CEND1: variants seen among roughly 807,000 people sequenced by gnomAD.
CEND1 encodes cell cycle exit and neuronal differentiation protein 1.
Under a neutral mutation model 4.4 loss-of-function variants are expected in CEND1, and 1 was observed. The ratio of observed to expected loss-of-function variants is 0.23; its 90% CI spans 0.08 to 1.09. The LOEUF is 1.09. CEND1 is among the 50% of genes least tolerant of loss of function. The pLI, the probability that CEND1 is intolerant of heterozygous loss-of-function variation, is 0.55. For missense variants in CEND1, 213 were observed against 201.2 expected (o/e 1.06, Z -0.35); for synonymous variants, 109 against 93.0 (o/e 1.17, Z -0.99).
At position 787,993 on chromosome 11, in the gene CEND1, C is replaced by T. The variant is rs575911955; in HGVS notation, c.*134G>A. On this transcript the variant is annotated 3_prime_UTR_variant, in exon 2 of 2. Coordinates refer to ENST00000330106, the MANE Select transcript of CEND1 (RefSeq NM_016564.4). Reference sequence around the variant, plus strand: ...GCTCGGGCGTCCTCTTCACCGTGCGCGTGTGTTGGGGGCGTATGTAGGTGT... The same window carrying T: ...GCTCGGGCGTCCTCTTCACCGTGCGTGTGTGTTGGGGGCGTATGTAGGTGT... 28 of 665,612 alleles carry T rather than the reference C, an allele frequency of 4.2e-5. No homozygotes were observed. In the East Asian group the frequency reaches 8.4e-4, roughly 20 times the overall value. 41.2% of individuals were successfully genotyped at this position (665,612 alleles called of 1,614,324 possible).
chr11:787,223 T>G lies in CEND1; in HGVS notation c.*904A>C, dbSNP rs1433613102. The G allele has an allele frequency of 6.6e-6, 1 of 152,586 alleles. No individual in the cohort carries two copies. The highest frequency in any genetic ancestry group is 1.5e-5 in the Non-Finnish European group (1 of 68,168). 9.5% of individuals were successfully genotyped at this position (152,586 alleles called of 1,614,324 possible). On this transcript the variant is annotated 3_prime_UTR_variant, in exon 2 of 2. Transcript: ENST00000330106. ...GTTCTCACAGTGCCCACCACCACCT[T>G]CTGGGAGTTCGCCTGCTGCTGCGCG...
intron 1 of CEND1, among the ~76,000 whole-genome samples, chr11:789,768 C>T (rs563327548): frequency 3.6e-4 from 55 of 152,284 alleles, no homozygotes; most frequent in Non-Finnish European, 7.2e-4. Flanking sequence ...GCCCAGCCGT[C>T]CCTTCACCCC....
rs142060805 is a variant in CEND1 at position 788,386 on chromosome 11, G to C, written c.191C>G (p.Ser64Trp). The change falls in exon 2 of 2, where the codon TCG becomes TGG. Residue 64 changes from serine (S) to tryptophan (W), a missense_variant. Physicochemically the swap from Ser to Trp is radical, Grantham distance 177. Transcript: ENST00000330106. ...APTTAPAKKT[S>W]AKADPALLNN... Reference sequence around the variant, plus strand: ...GAGAAGGGCAGGGTCGGCCTTGGCCGAGGTCTTCTTGGCAGGTGCCGTGGT... The same window carrying C: ...GAGAAGGGCAGGGTCGGCCTTGGCCCAGGTCTTCTTGGCAGGTGCCGTGGT... 111 of 1,595,772 alleles carry C rather than the reference G, an allele frequency of 7.0e-5. No individual in the cohort carries two copies. The highest frequency in any genetic ancestry group is 9.0e-5 in the Non-Finnish European group (105 of 1,168,304).
At position 788,476 on chromosome 11, in the gene CEND1, G is replaced by T. The variant is rs1323773877; in HGVS notation, c.101C>A (p.Ala34Asp). Reference protein sequence around the residue: ...AKVPPAADGKAPLTKPSKKEA... With the variant: ...AKVPPAADGKDPLTKPSKKEA... ...CTTCTTCGAGGGCTTGGTCAAGGGG[G>T]CTTTCCCATCGGCTGCCGGGGGTAC... is the stretch of plus-strand genomic sequence containing the variant. Residue 34 changes from alanine to aspartate, a missense_variant, in exon 2 of 2, where the codon GCC (alanine) becomes GAC (aspartate). Physicochemically the swap from Ala to Asp is moderately radical, Grantham distance 126. Coordinates refer to ENST00000330106, the MANE Select transcript of CEND1 (RefSeq NM_016564.4). 1.3e-6 allele frequency: 2 copies of T among 1,553,822 alleles called. No individual in the cohort carries two copies. The highest frequency in any genetic ancestry group is 1.7e-6 in the Non-Finnish European group (2 of 1,149,344).
In CEND1 at chr11:788,451, C is replaced by T; in HGVS notation, c.126G>A (p.Lys42=). ...GCTGCTGCTTCTCGGCCGGGGCCTC[C>T]TTCTTCGAGGGCTTGGTCAAGGGGG... ...GKAPLTKPSK[K]EAPAEKQQPP... Residue 42 remains lysine, a synonymous_variant, in exon 2 of 2, where the codon AAG becomes AAA. Coordinates refer to ENST00000330106, the MANE Select transcript of CEND1 (RefSeq NM_016564.4). 12 of 1,574,574 alleles carry T rather than the reference C, an allele frequency of 7.6e-6. No individual in the cohort carries two copies. The highest frequency in any genetic ancestry group is 1.0e-5 in the Non-Finnish European group (12 of 1,158,152).
intron 1 of CEND1, among the ~76,000 whole-genome samples, chr11:789,648 C>T (rs886631702): frequency 6.6e-6 from 1 of 152,102 alleles, no homozygotes; most frequent in Non-Finnish European, 1.5e-5. Context: ...AAGGGAGGCA[C>T]GTTCCCCACC....
At chr11:788,845 A>G (rs747950172) in intron 1 of CEND1, among the ~76,000 whole-genome samples, 187 bp from the exon 2 acceptor site, 4 of 151,944 alleles carry the variant, frequency 2.6e-5, no homozygotes, top group Non-Finnish European at 5.9e-5. Flanking sequence ...ACCACTCCTC[A>G]AGGGGCCCCT....
Position 788,013 on chromosome 11 carries a change from A to T in CEND1, c.*114T>A. On this transcript the variant is annotated 3_prime_UTR_variant, in exon 2 of 2. Transcript: ENST00000330106. Reference sequence around the variant, plus strand: ...GTGCGCGTGTGTTGGGGGCGTATGTAGGTGTGTAATGAATGTGCGTGTGTA... The same window carrying T: ...GTGCGCGTGTGTTGGGGGCGTATGTTGGTGTGTAATGAATGTGCGTGTGTA... 1 of 795,834 alleles carries T rather than the reference A, an allele frequency of 1.3e-6. No individual in the cohort carries two copies. The highest frequency in any genetic ancestry group is 1.8e-6 in the Non-Finnish European group (1 of 545,880). 49.3% of individuals were successfully genotyped at this position (795,834 alleles called of 1,614,324 possible). A position where few individuals can be genotyped will look rare whatever the true frequency, so the allele number is the denominator to read the frequency against.
rs1565030344 is a variant in CEND1, at chr11:788,124, GTAT to G, written c.450_*2del. ...TCCGTGCCCCCCGCCTGGCCCCCAG[GTAT>G]TATTTTTTCCGGACCAGGAAGGCCA... On this transcript the variant is annotated stop_lost and 3_prime_UTR_variant, in exon 2 of 2. Coordinates refer to ENST00000330106, the MANE Select transcript of CEND1 (RefSeq NM_016564.4). The G allele has an allele frequency of 4.5e-6, 7 of 1,550,000 alleles. No individual in the cohort carries two copies. The highest frequency in any genetic ancestry group is 6.1e-6 in the Non-Finnish European group (7 of 1,155,936).
chr11:788,620 G>A lies in CEND1; in HGVS notation c.-44C>T. Reference sequence around the variant, plus strand: ...GACAGGCAGGTGGCTGCACCAGAGGGGCTCAGGACAGTTTGTCGCCCCTGG... The same window carrying A: ...GACAGGCAGGTGGCTGCACCAGAGGAGCTCAGGACAGTTTGTCGCCCCTGG... On this transcript the variant is annotated 5_prime_UTR_variant, in exon 2 of 2. Transcript: ENST00000330106. The A allele has an allele frequency of 6.8e-7, 1 of 1,478,002 alleles. No homozygotes were observed. The highest frequency in any genetic ancestry group is 1.4e-5 in the South Asian group (1 of 70,074). 91.6% of individuals were successfully genotyped at this position (1,478,002 alleles called of 1,614,324 possible).
At chr11:789,668 G>C (rs1024593993) in intron 1 of CEND1, among the ~76,000 whole-genome samples, 1 of 151,814 alleles carries the variant, frequency 6.6e-6, no homozygotes, top group Non-Finnish European at 1.5e-5. Context: ...CCCCCGCCAG[G>C]TGCATTGACC....
In CEND1 at chr11:788,367, G is replaced by A. The variant is rs146933674; in HGVS notation, c.210C>T (p.Ala70=). ...AKKTSAKADP[A]LLNNHSNLKP... ...TCAGGTTGCTGTGGTTGTTGAGAAG[G>A]GCAGGGTCGGCCTTGGCCGAGGTCT... The change falls in exon 2 of 2, where the codon GCC becomes GCT. Residue 70 remains alanine (A), a synonymous_variant. Transcript: ENST00000330106. 2.5e-6 allele frequency: 4 copies of A among 1,600,344 alleles called. No individual in the cohort carries two copies. Among genetic ancestry groups the A allele is most frequent in the African/African-American group, 2.7e-5 (2 of 74,504 alleles).
Position 787,973 on chromosome 11 carries a change from G to A in CEND1, c.*154C>T. On this transcript the variant is annotated 3_prime_UTR_variant, in exon 2 of 2. Transcript: ENST00000330106. ...TCCTGGGTCAGCAGGGGTGGGCTCG[G>A]GCGTCCTCTTCACCGTGCGCGTGTG... 1.8e-6 allele frequency: 1 copy of A among 552,132 alleles called. No individual in the cohort carries two copies. Among genetic ancestry groups the A allele is most frequent in the East Asian group, 3.3e-5 (1 of 30,330 alleles). The allele number at this position is 552,132 out of a possible 1,614,324, so 34.2% of individuals were successfully genotyped here.
At position 788,153 on chromosome 11, in the gene CEND1, C is replaced by G. The variant is rs752714773; in HGVS notation, c.424G>C (p.Val142Leu). 6.3e-7 allele frequency: 1 copy of G among 1,581,004 alleles called. No individual in the cohort carries two copies. Among genetic ancestry groups the G allele is most frequent in the Admixed American group, 1.9e-5 (1 of 53,086 alleles). ...AVAAIALILG[V>L]AFLVRKK ...TATTTTTTCCGGACCAGGAAGGCCA[C>G]ACCGAGAATCAGGGCTATGGCTGCC... is the stretch of plus-strand genomic sequence containing the variant. Residue 142 changes from valine to leucine, a missense_variant, in exon 2 of 2, where the codon GTG becomes CTG. By Grantham distance (32) the Val-to-Leu change is conservative. Transcript: ENST00000330106.
intron 1 of CEND1, among the ~76,000 whole-genome samples, chr11:789,151 G>A (rs569706796): frequency 2.2e-4 from 33 of 152,296 alleles, no homozygotes; most frequent in Non-Finnish European, 2.9e-4. Flanking sequence ...GTCCCAGGGG[G>A]AGGAGGGCGG....
Position 788,151 on chromosome 11 carries a change from C to A in CEND1, c.426G>T (p.Val142=). 1 of 1,579,764 alleles carries A rather than the reference C, an allele frequency of 6.3e-7. No individual in the cohort carries two copies. Among genetic ancestry groups the A allele is most frequent in the Non-Finnish European group, 8.6e-7 (1 of 1,169,224 alleles). Residue 142 remains valine, a synonymous_variant, in exon 2 of 2, where the codon GTG becomes GTT. Transcript: ENST00000330106. ...AVAAIALILG[V]AFLVRKK The stretch of plus-strand genomic sequence containing the variant: ...ATTATTTTTTCCGGACCAGGAAGGC[C>A]ACACCGAGAATCAGGGCTATGGCTG...
chr11:788,044 A>G lies in CEND1; in HGVS notation c.*83T>C. The G allele has an allele frequency of 2.8e-6, 3 of 1,061,624 alleles. No individual in the cohort carries two copies. Among genetic ancestry groups the G allele is most frequent in the South Asian group, 1.9e-5 (1 of 52,132 alleles). The allele number at this position is 1,061,624 out of a possible 1,614,324, so 65.8% of individuals were successfully genotyped here. On this transcript the variant is annotated 3_prime_UTR_variant, in exon 2 of 2. Coordinates refer to ENST00000330106, the MANE Select transcript of CEND1 (RefSeq NM_016564.4). Reference sequence around the variant, plus strand: ...GTAATGAATGTGCGTGTGTACGAATAGGTAAGGGTGAACTCTGCATGCACT... The same window carrying G: ...GTAATGAATGTGCGTGTGTACGAATGGGTAAGGGTGAACTCTGCATGCACT...
chr11:789,042 G>A (rs1383980093), intron 1 of CEND1, among the ~76,000 whole-genome samples: 2 of 152,212 alleles, frequency 1.3e-5, no homozygotes, highest in African/African-American at 2.4e-5. Flanking sequence ...GGAGGTGATC[G>A]GAGCCCCAGT....
At position 788,018 on chromosome 11, in the gene CEND1, T is replaced by G; in HGVS notation, c.*109A>C. The G allele has an allele frequency of 1.2e-6, 1 of 850,800 alleles. No homozygotes were observed. The highest frequency in any genetic ancestry group is 2.8e-5 in the East Asian group (1 of 35,308). 52.7% of individuals were successfully genotyped at this position (850,800 alleles called of 1,614,324 possible). A position where few individuals can be genotyped will look rare whatever the true frequency, so the allele number is the denominator to read the frequency against. ...CGTGTGTTGGGGGCGTATGTAGGTG[T>G]GTAATGAATGTGCGTGTGTACGAAT... On this transcript the variant is annotated 3_prime_UTR_variant, in exon 2 of 2. Transcript: ENST00000330106.
Sources: allele counts gnomAD v4.1 joint callset (sites outside exome capture counted in the v4.1 genomes callset), GRCh38; gene constraint gnomAD v4.1.1; transcripts MANE v1.5; gene names NCBI Gene and HGNC (gene_info 2026-07-23, HGNC 2026-07-21).